Variants in NT5DC3 observed in about 807,000 individuals in gnomAD.
NT5DC3 encodes 5'-nucleotidase domain-containing protein 3.
A neutral mutation model predicts 67.8 loss-of-function variants in NT5DC3; 42 were observed. That is an observed-to-expected ratio of 0.62 (90% confidence interval 0.48 to 0.80). The LOEUF (loss-of-function observed/expected upper bound fraction) is 0.80. Among genes scored for constraint, NT5DC3 ranks in the 30% least tolerant of loss-of-function variants. The pLI is 0.00. For missense variants in NT5DC3, 570 were observed against 696.4 expected (o/e 0.82, Z 2.04); for synonymous variants, 237 against 255.6 (o/e 0.93, Z 0.69).
intron 1 of NT5DC3, among the ~76,000 whole-genome samples, chr12:103,817,270 A>G (rs902269122): frequency 1.3e-5 from 2 of 152,236 alleles, no homozygotes; most frequent in African/African-American, 4.8e-5. Context: ...TGATATTCTC[A>G]TCAGATTAAT....
downstream of NT5DC3, among the ~76,000 whole-genome samples, chr12:103,769,918 C>G (rs1439284461): frequency 1.3e-5 from 2 of 152,204 alleles, no homozygotes; most frequent in Non-Finnish European, 2.9e-5. Flanking sequence ...ACTTCCCATA[C>G]CTGATATTTT....
rs1383674341 is a variant in NT5DC3 at position 103,841,208 on chromosome 12, G to A, written c.-52C>T. ...GCCGCGCCGCTCTGCGACTGCTGCT[G>A]CCCGGCCCAAGATCTACCCGCGCTC... On this transcript the variant is annotated 5_prime_UTR_variant, in exon 1 of 14. Coordinates refer to ENST00000392876, the MANE Select transcript of NT5DC3 (RefSeq NM_001031701.3). 1.2e-5 allele frequency: 7 copies of A among 560,020 alleles called. No individual in the cohort carries two copies. Among genetic ancestry groups the A allele is most frequent in the Admixed American group, 9.7e-5 (3 of 30,790 alleles). 34.7% of individuals were successfully genotyped at this position (560,020 alleles called of 1,614,324 possible).
intron 2 of NT5DC3, among the ~76,000 whole-genome samples, chr12:103,813,431 A>G (rs1035635878): frequency 6.6e-6 from 1 of 152,248 alleles, no homozygotes; most frequent in South Asian, 2.1e-4. Context: ...CTGCTGGCAT[A>G]GTGGCAGAAG....
the NT5DC3 span, chr12:103,761,516 A>T: frequency 6.0e-6 from 6 of 992,538 alleles, no homozygotes; most frequent in South Asian, 1.5e-5. Flanking sequence ...CTTCCTCCAG[A>T]GACTGGAGGA....
the NT5DC3 span, among the ~76,000 whole-genome samples, chr12:103,762,964 GTCC>G: frequency 6.6e-6 from 1 of 152,158 alleles, no homozygotes; most frequent in South Asian, 2.1e-4. Context: ...TATGGACTTT[GTCC>G]TCCTCTCTGG....
At chr12:103,803,857 CCA>C (rs934844468) in intron 4 of NT5DC3, among the ~76,000 whole-genome samples, 63 of 83,704 alleles carry the variant, frequency 7.5e-4, no homozygotes, top group East Asian at 5.4e-3. Flanking sequence ...TCATTCATTA[CCA>C]CCCCCCCCCC....
At chr12:103,837,730 G>C (rs900765374) in intron 1 of NT5DC3, among the ~76,000 whole-genome samples, 2 of 152,222 alleles carry the variant, frequency 1.3e-5, no homozygotes, top group Admixed American at 1.3e-4. Flanking sequence ...GACTACTTCA[G>C]CCTGGACCTT....
chr12:103,756,257 A>T, the NT5DC3 span, among the ~76,000 whole-genome samples: 1 of 152,242 alleles, frequency 6.6e-6, no homozygotes, highest in Admixed American at 6.5e-5. Flanking sequence ...GCGAAGAGAA[A>T]GCCTCATCTG....
At chr12:103,838,543 A>T (rs987653128) in intron 1 of NT5DC3, among the ~76,000 whole-genome samples, 1 of 152,220 alleles carries the variant, frequency 6.6e-6, no homozygotes, top group African/African-American at 2.4e-5. Flanking sequence ...AAAACTAAAC[A>T]TGCAATTGCC....
At chr12:103,797,153 A>G (rs1886355213) in intron 5 of NT5DC3, 122 bp from the exon 6 acceptor site, 1 of 1,040,754 alleles carries the variant, frequency 9.6e-7, no homozygotes. Context: ...CATCAACACA[A>G]AAAAGGAAAG....
intron 1 of NT5DC3, among the ~76,000 whole-genome samples, chr12:103,830,890 T>C (rs1270962380): frequency 1.3e-5 from 2 of 152,250 alleles, no homozygotes; most frequent in African/African-American, 4.8e-5. Context: ...TGCTGTCTGC[T>C]GAGTCTGCTG....
intron 9 of NT5DC3, among the ~76,000 whole-genome samples, chr12:103,792,754 A>T (rs1334640862): frequency 6.6e-6 from 1 of 152,214 alleles, no homozygotes. Flanking sequence ...TGCAAAATCC[A>T]ACTGCAATTT....
At chr12:103,787,552 A>T in intron 10 of NT5DC3, 25 bp from the exon 11 acceptor site, 1 of 1,336,000 alleles carries the variant, frequency 7.5e-7, no homozygotes, top group Non-Finnish European at 1.1e-6. Flanking sequence ...AACTATAGTT[A>T]TTATTATTAC....
At chr12:103,815,839 G>A (rs1317589830) in intron 1 of NT5DC3, among the ~76,000 whole-genome samples, 2 of 152,044 alleles carry the variant, frequency 1.3e-5, no homozygotes, top group East Asian at 1.9e-4. Context: ...CTACCGAAAA[G>A]AACATTTGCT....
chr12:103,773,751 G>A lies in NT5DC3; in HGVS notation c.*4078C>T, dbSNP rs1885250189. ...GAATTCAGTTCCAGTATTTAGCCCA[G>A]TCTCTGCTGCTTAAAAGGCCTTTTG... On this transcript the variant is annotated 3_prime_UTR_variant, in exon 14 of 14. Transcript: ENST00000392876. 6.6e-6 allele frequency: 1 copy of A among 152,372 alleles called. No individual in the cohort carries two copies. The allele number at this position is 152,372 out of a possible 1,614,324, so 9.4% of individuals were successfully genotyped here.
downstream of NT5DC3, among the ~76,000 whole-genome samples, chr12:103,767,462 T>G (rs546786362): frequency 3.3e-5 from 5 of 152,246 alleles, no homozygotes; most frequent in East Asian, 7.7e-4. Context: ...GATGAGGAAT[T>G]CGATAGCAGT....
intron 13 of NT5DC3, among the ~76,000 whole-genome samples, chr12:103,779,495 G>A (rs1230041064): frequency 6.6e-6 from 1 of 152,138 alleles, no homozygotes; most frequent in Non-Finnish European, 1.5e-5. Flanking sequence ...AGAGGGAGGA[G>A]GACAAACTAA....
At chr12:103,760,581 G>A in the NT5DC3 span, among the ~76,000 whole-genome samples, 4 of 152,250 alleles carry the variant, frequency 2.6e-5, no homozygotes, top group South Asian at 2.1e-4. Flanking sequence ...TTATTTTGGG[G>A]TGACATGTCC....
the NT5DC3 span, chr12:103,755,241 C>G: frequency 3.8e-6 from 6 of 1,585,020 alleles, no homozygotes; most frequent in Non-Finnish European, 5.1e-6. Context: ...AGACATTAAC[C>G]AAGTGATGCC....
Sources: gnomAD v4.1 joint callset for allele counts (sites outside exome capture counted in the v4.1 genomes callset) on GRCh38, gnomAD v4.1.1 for gene constraint, MANE v1.5 for transcripts, NCBI Gene and HGNC (gene_info 2026-07-23, HGNC 2026-07-21) for gene names.